DDHD2: variants seen among roughly 807,000 people sequenced by gnomAD.
The protein encoded by DDHD2 is DDHD domain containing 2.
In DDHD2, 62 loss-of-function variants were observed where a neutral mutation model predicts 91.2. The ratio of observed to expected loss-of-function variants is 0.68; its 90% CI spans 0.55 to 0.84. The LOEUF (loss-of-function observed/expected upper bound fraction) is 0.84, where lower values mean the gene tolerates loss of function less well. DDHD2 is among the 40% of genes least tolerant of loss of function. The pLI is 0.00. For missense variants in DDHD2, 740 were observed against 846.9 expected (o/e 0.87, Z 1.57); for synonymous variants, 271 against 293.9 (o/e 0.92, Z 0.80).
Position 38,269,189 on chromosome 8 carries a change from G to T in DDHD2, n.88-1933G>T, listed in dbSNP as rs773022503. 434 of 1,501,660 alleles carry T rather than the reference G, an allele frequency of 2.9e-4. No individual in the cohort carries two copies. Among genetic ancestry groups the T allele is most frequent in the Non-Finnish European group, 3.5e-4 (397 of 1,133,286 alleles). 93.0% of individuals were successfully genotyped at this position (1,501,660 alleles called of 1,614,324 possible). A position where few individuals can be genotyped will look rare whatever the true frequency, so the allele number is the denominator to read the frequency against. On this transcript the variant is annotated intron_variant and non_coding_transcript_variant, in intron 1 of 1. Transcript: ENST00000526071. ...GGCCCCAAAGGCCACCGCCGCCGCC[G>T]CCTTCCCCATCCGGCCGCGAGCTCC...
chr8:38,259,565 T>C (rs569845334), intron 16 of DDHD2, among the ~76,000 whole-genome samples: 1 of 152,326 alleles, frequency 6.6e-6, no homozygotes, highest in South Asian at 2.1e-4. Context: ...TTTGTATTTT[T>C]AGTAGAGATG....
At chr8:38,268,140 C>T in intron 1 of DDHD2, 2 of 1,386,864 alleles carry the variant, frequency 1.4e-6, no homozygotes, top group Non-Finnish European at 1.9e-6. Context: ...TGTACTAGGC[C>T]AAAGACATTT....
At chr8:38,263,980 C>T, downstream of DDHD2, 2 of 985,818 alleles carry the variant, frequency 2.0e-6, no homozygotes, top group Non-Finnish European at 2.4e-6. Context: ...ACCGTAACTC[C>T]TCAAGATAGA....
At chr8:38,265,081 A>G (rs1807378913), downstream of DDHD2, 1 of 683,304 alleles carries the variant, frequency 1.5e-6, no homozygotes, top group African/African-American at 1.8e-5. Flanking sequence ...AGCCTGACCA[A>G]CAAGTGAAAC....
rs894281522 is a variant in DDHD2 at position 38,262,116 on chromosome 8, C to T, written c.*1543C>T. 1.3e-5 allele frequency: 2 copies of T among 152,068 alleles called. No homozygotes were observed. Among genetic ancestry groups the T allele is most frequent in the Admixed American group, 6.5e-5 (1 of 15,274 alleles). 9.4% of individuals were successfully genotyped at this position (152,068 alleles called of 1,614,324 possible). On this transcript the variant is annotated 3_prime_UTR_variant, in exon 18 of 18. Transcript: ENST00000397166. ...AGGCCTGGCCTTTCTTTGTCATCTG[C>T]TTATAGTCTAGTGCTAAGTATGCCA...
At chr8:38,270,867 C>T (rs908002546) in intron 1 of DDHD2, 3 of 152,208 alleles carry the variant, frequency 2.0e-5, no homozygotes, top group Non-Finnish European at 4.4e-5. Flanking sequence ...TTCATACATA[C>T]GTGCCACAAG....
intron 16 of DDHD2, among the ~76,000 whole-genome samples, chr8:38,256,227 T>C (rs1004467490): frequency 6.6e-6 from 1 of 152,202 alleles, no homozygotes; most frequent in Non-Finnish European, 1.5e-5. Context: ...GTTCTGCCAC[T>C]GTAGATTAGT....
downstream of DDHD2, among the ~76,000 whole-genome samples, chr8:38,265,354 C>T (rs1303698991): frequency 6.6e-6 from 1 of 151,368 alleles, no homozygotes; most frequent in African/African-American, 2.4e-5. Flanking sequence ...GACCTGTGGG[C>T]AATACCTCCA....
intron 3 of DDHD2, among the ~76,000 whole-genome samples, chr8:38,235,452 T>A (rs947953698): frequency 6.6e-6 from 1 of 151,790 alleles, no homozygotes; most frequent in Non-Finnish European, 1.5e-5. Context: ...CCGGGCCTGG[T>A]GGCTCACGCC....
In DDHD2 at chr8:38,261,792, TTTC is replaced by T. The variant is rs1453745385; in HGVS notation, c.*1226_*1228del. 1 of 152,198 alleles carries T rather than the reference TTTC, an allele frequency of 6.6e-6. No individual in the cohort carries two copies. The highest frequency in any genetic ancestry group is 2.4e-5 in the African/African-American group (1 of 41,456). The allele number at this position is 152,198 out of a possible 1,614,324, so 9.4% of individuals were successfully genotyped here. On this transcript the variant is annotated 3_prime_UTR_variant, in exon 18 of 18. Coordinates refer to ENST00000397166, the MANE Select transcript of DDHD2 (RefSeq NM_015214.3). ...TCTTTTCACTACTTTGCTGTAGATT[TTTC>T]TTCTTCATTGGTCAGTTTGTCATTG...
chr8:38,269,242 T>C, intron 1 of DDHD2: 1 of 1,411,660 alleles, frequency 7.1e-7, no homozygotes, highest in Non-Finnish European at 9.2e-7. Flanking sequence ...CGTGGCCACC[T>C]CCGCGGGGAG....
chr8:38,264,086 TTCTTG>T, downstream of DDHD2: 2 of 991,508 alleles, frequency 2.0e-6, no homozygotes, highest in Non-Finnish European at 2.4e-6. Flanking sequence ...AGGCTAGAAT[TTCTTG>T]TCTTGTGCAT....
downstream of DDHD2, chr8:38,264,590 A>G (rs759536528): frequency 2.3e-5 from 37 of 1,594,334 alleles, no homozygotes; most frequent in Non-Finnish European, 6.0e-6. Flanking sequence ...CCAATCATGG[A>G]TCCAACTAGT....
At chr8:38,237,086 T>A (rs531006906) in intron 3 of DDHD2, among the ~76,000 whole-genome samples, 14 of 152,164 alleles carry the variant, frequency 9.2e-5, no homozygotes, top group Admixed American at 2.6e-4. Flanking sequence ...CAAAATAATT[T>A]AAAAATAGGC....
chr8:38,268,001 G>T, intron 1 of DDHD2: 2 of 1,613,856 alleles, frequency 1.2e-6, no homozygotes, highest in Non-Finnish European at 1.7e-6. Context: ...CTGTCTAGGA[G>T]GAAAGGTATG....
downstream of DDHD2, chr8:38,267,515 C>T (rs1807830122): frequency 1.7e-6 from 2 of 1,185,508 alleles, no homozygotes; most frequent in Non-Finnish European, 2.3e-6. Context: ...AATAAGGTAA[C>T]TGGCTTAGTA....
intron 1 of DDHD2, chr8:38,268,754 G>T (rs958882945): frequency 4.9e-6 from 7 of 1,435,670 alleles, no homozygotes; most frequent in Non-Finnish European, 6.4e-6. Flanking sequence ...CTAGGAGGCG[G>T]AACCCAGCGC....
chr8:38,246,951 A>G (rs1233587197), intron 9 of DDHD2: 1 of 152,146 alleles, frequency 6.6e-6, no homozygotes, highest in African/African-American at 2.4e-5. Flanking sequence ...ATTTATAGAA[A>G]CTCTGTTCGA....
At chr8:38,257,284 T>A (rs991872744) in intron 16 of DDHD2, among the ~76,000 whole-genome samples, 2 of 132,782 alleles carry the variant, frequency 1.5e-5, no homozygotes, top group Non-Finnish European at 3.1e-5. Context: ...AGTCTCACTC[T>A]GTCACCCAGG....
Sources: allele counts gnomAD v4.1 joint callset (sites outside exome capture counted in the v4.1 genomes callset), GRCh38; gene constraint gnomAD v4.1.1; transcripts MANE v1.5; gene names NCBI Gene and HGNC (gene_info 2026-07-23, HGNC 2026-07-21).